The following PLEKHM3 variants were observed in gnomAD, a reference collection of about 807,000 sequenced individuals.
PLEKHM3 encodes the protein pleckstrin homology domain-containing family M member 3.
PLEKHM3 carries 45 observed loss-of-function variants against 81.8 expected under a neutral mutation model. The observed-to-expected ratio is 0.55, with a 90% CI of 0.43 to 0.71. The LOEUF is 0.71. Among genes scored for constraint, PLEKHM3 ranks in the 30% least tolerant of loss-of-function variants. PLEKHM3 has a pLI of 0.00. For synonymous variants in PLEKHM3, 352 were observed against 356.4 expected (o/e 0.99, Z 0.14); for missense variants, 788 against 924.3 (o/e 0.85, Z 1.91).
chr2:207,973,257 CTGTGTT>C (rs1457204458), intron 3 of PLEKHM3, among the ~76,000 whole-genome samples: 1 of 152,216 alleles, frequency 6.6e-6, no homozygotes, highest in Non-Finnish European at 1.5e-5. Context: ...TTTAGATTAA[CTGTGTT>C]TGTGAGAAAC....
At chr2:207,854,358 A>T (rs2092427792) in intron 7 of PLEKHM3, among the ~76,000 whole-genome samples, 1 of 152,158 alleles carries the variant, frequency 6.6e-6, no homozygotes, top group Non-Finnish European at 1.5e-5. Context: ...CATCTGTATC[A>T]TCCCCCTACC....
intron 1 of PLEKHM3, among the ~76,000 whole-genome samples, chr2:208,024,718 AAAG>A (rs1574501779): frequency 2.0e-5 from 3 of 152,370 alleles, no homozygotes; most frequent in African/African-American, 4.8e-5. Flanking sequence ...AAGGAAGAAA[AAAG>A]AAGAGAGAAA....
intron 2 of PLEKHM3, among the ~76,000 whole-genome samples, chr2:207,988,911 C>G (rs1691810033): frequency 6.6e-6 from 1 of 152,160 alleles, no homozygotes; most frequent in Non-Finnish European, 1.5e-5. Flanking sequence ...TCTGAGTTGC[C>G]ATGTTCTCTG....
chr2:207,841,177 AAAT>A (rs1228658688), intron 7 of PLEKHM3, among the ~76,000 whole-genome samples: 2 of 151,618 alleles, frequency 1.3e-5, no homozygotes, highest in African/African-American at 4.8e-5. Context: ...AATATGATAA[AAAT>A]AATAGACTGG....
intron 6 of PLEKHM3, among the ~76,000 whole-genome samples, chr2:207,891,731 C>T (rs1688066054): frequency 6.6e-6 from 1 of 152,186 alleles, no homozygotes. Flanking sequence ...TTAGTTCATT[C>T]TTACCCTCAC....
In PLEKHM3 at chr2:207,824,963, C is replaced by T. The variant is rs1232530389; in HGVS notation, c.*3356G>A. 20 of 152,066 alleles carry T rather than the reference C, an allele frequency of 1.3e-4. No individual in the cohort carries two copies. Among genetic ancestry groups the T allele is most frequent in the Admixed American group, 9.8e-4 (15 of 15,268 alleles). The allele number at this position is 152,066 out of a possible 1,614,324, so 9.4% of individuals were successfully genotyped here. ...AAACCGATGACCCTCTCAGCGAATC[C>T]GATGTTAAAGCTCCTAACTAGGTGA... On this transcript the variant is annotated 3_prime_UTR_variant, in exon 8 of 8. Coordinates refer to ENST00000427836, the MANE Select transcript of PLEKHM3 (RefSeq NM_001080475.3).
Position 207,976,401 on chromosome 2 carries a change from G to C in PLEKHM3, c.1546+250C>G, listed in dbSNP as rs150412340. On this transcript the variant is annotated intron_variant, in intron 3 of 7. Coordinates refer to ENST00000427836, the MANE Select transcript of PLEKHM3 (RefSeq NM_001080475.3). The surrounding 1 kb of genome is among the most constrained non-coding windows in gnomAD (Gnocchi z 4.1). ...GGTTAAGCTTTAGCCAAATCATTTT[G>C]ATTCAACAGGATATATCATAGCTGC... 6.6e-6 allele frequency among the ~76,000 whole-genome samples: 1 copy of C among 152,290 alleles called. No homozygotes were observed. Among genetic ancestry groups the C allele is most frequent in the African/African-American group, 2.4e-5 (1 of 41,562 alleles).
intron 1 of PLEKHM3, 64 bp downstream of exon 1, chr2:208,025,325 A>T (rs896636): frequency 0.62 from 94,097 of 152,276 alleles, 30,952 homozygotes; most frequent in Non-Finnish European, 0.73. Context: ...TTTACAATGC[A>T]GTCGTCCCCA....
At chr2:207,828,555 G>A (rs1559197640) in intron 7 of PLEKHM3, 59 bp from the exon 8 acceptor site, 3 of 1,547,822 alleles carry the variant, frequency 1.9e-6, no homozygotes, top group African/African-American at 1.4e-5. Flanking sequence ...ACACAAATGG[G>A]AAGCCCTGTG....
intron 6 of PLEKHM3, among the ~76,000 whole-genome samples, chr2:207,905,139 CATT>C (rs1197660185): frequency 1.3e-5 from 2 of 152,102 alleles, no homozygotes; most frequent in African/African-American, 4.8e-5. Flanking sequence ...AGAATATCTG[CATT>C]ATTGTTTTTT....
intron 5 of PLEKHM3, among the ~76,000 whole-genome samples, chr2:207,924,940 C>A (rs1689338322): frequency 6.6e-6 from 1 of 151,930 alleles, no homozygotes; most frequent in Admixed American, 6.6e-5. Context: ...AGAAGGAGGT[C>A]TAGGAGAAAT....
intron 1 of PLEKHM3, among the ~76,000 whole-genome samples, chr2:208,014,940 C>G (rs1692842384): frequency 1.3e-5 from 2 of 152,122 alleles, no homozygotes; most frequent in Admixed American, 1.3e-4. Flanking sequence ...GCAGAGGACA[C>G]CTTCAATGTG....
intron 5 of PLEKHM3, among the ~76,000 whole-genome samples, chr2:207,925,139 TG>T (rs1321152862): frequency 0.068 from 9,544 of 140,900 alleles, 454 homozygotes; most frequent in Non-Finnish European, 0.11. Flanking sequence ...GTTGTTTTTT[TG>T]TTTTTTGTTT....
At chr2:207,952,300 T>C (rs1447661066) in intron 3 of PLEKHM3, among the ~76,000 whole-genome samples, 1 of 152,202 alleles carries the variant, frequency 6.6e-6, no homozygotes, top group Non-Finnish European at 1.5e-5. Context: ...TCCCTGTCCC[T>C]CCTTCCATCC....
chr2:207,862,657 GA>G, intron 6 of PLEKHM3, among the ~76,000 whole-genome samples: 1 of 151,630 alleles, frequency 6.6e-6, no homozygotes, highest in South Asian at 2.1e-4. Flanking sequence ...AAAAGAAAAA[GA>G]AAAAAATAGT....
intron 7 of PLEKHM3, among the ~76,000 whole-genome samples, chr2:207,849,022 T>C (rs968473471): frequency 6.6e-6 from 1 of 152,186 alleles, no homozygotes; most frequent in Non-Finnish European, 1.5e-5. Context: ...AAGACTGATG[T>C]AGAAAATATT....
chr2:207,934,533 A>T (rs1689686021), intron 4 of PLEKHM3, among the ~76,000 whole-genome samples: 1 of 152,240 alleles, frequency 6.6e-6, no homozygotes, highest in Non-Finnish European at 1.5e-5. Context: ...AAGCTATAAG[A>T]ACTCAACTCT....
intron 5 of PLEKHM3, 72 bp from the exon 6 acceptor site, chr2:207,908,649 T>A (rs910217911): frequency 6.5e-6 from 9 of 1,389,618 alleles, no homozygotes; most frequent in African/African-American, 1.4e-5. Flanking sequence ...TAAGTTTCAG[T>A]CTCATTCAAG....
intron 1 of PLEKHM3, among the ~76,000 whole-genome samples, chr2:208,007,901 A>T (rs1297632830): frequency 6.6e-6 from 1 of 152,074 alleles, no homozygotes; most frequent in Non-Finnish European, 1.5e-5. Flanking sequence ...AAAATACAAA[A>T]AATTAGCTGA....
Sources: allele counts gnomAD v4.1 joint callset (sites outside exome capture counted in the v4.1 genomes callset), GRCh38; gene constraint gnomAD v4.1.1; non-coding constraint Gnocchi (gnomAD v3.1); transcripts MANE v1.5; gene names NCBI Gene and HGNC (gene_info 2026-07-23, HGNC 2026-07-21).